Variants in MYO9A observed in about 807,000 individuals in gnomAD.
MYO9A encodes unconventional myosin-IXa.
In MYO9A, 103 loss-of-function variants were observed where a neutral mutation model predicts 293.3. The ratio of observed to expected loss-of-function variants is 0.35; its 90% CI spans 0.30 to 0.41. The LOEUF is 0.41. MYO9A is among the 10% of genes least tolerant of loss of function. The pLI is 1.00. For synonymous variants in MYO9A, 1,001 were observed against 1,035.7 expected, an observed-to-expected ratio of 0.97 and a Z score of 0.64; for missense variants, 2,685 against 3,033.0, an observed-to-expected ratio of 0.89 and a Z score of 2.69.
intron 24 of MYO9A, 125 bp from the exon 25 acceptor site, chr15:71,899,157 T>C (rs1206907804): frequency 2.4e-6 from 2 of 849,946 alleles, no homozygotes; most frequent in African/African-American, 3.4e-5. Context: ...TAAGTTCTTC[T>C]TAAACTAACT....
intron 11 of MYO9A, among the ~76,000 whole-genome samples, chr15:71,983,470 C>CTTTTTTTTTTTTTTTTTTTTTTTTTA: frequency 1.4e-5 from 1 of 72,898 alleles, no homozygotes; most frequent in African/African-American, 5.6e-5. Context: ...TTTTTTATTT[C>CTTTTTTTTTTTTTTTTTTTTTTTTTA]TTTTTTTTTT....
At chr15:71,914,729 C>T (rs541228628) in intron 19 of MYO9A, among the ~76,000 whole-genome samples, 6 of 151,626 alleles carry the variant, frequency 4.0e-5, no homozygotes, top group South Asian at 2.1e-4. Context: ...ACTTAATGGC[C>T]GATTAGAAAT....
At chr15:72,069,642 T>C (rs1382910243) in intron 1 of MYO9A, among the ~76,000 whole-genome samples, 2 of 152,172 alleles carry the variant, frequency 1.3e-5, no homozygotes, top group Admixed American at 6.6e-5. Flanking sequence ...AAGATAGTGA[T>C]AGAAGGTAGA....
In MYO9A at chr15:72,043,132, A is replaced by G. The variant is rs190544712; in HGVS notation, c.840+2592T>C. ...TTTAAGTCTAGCCAGGTTGCAGAAGATAAGGTCAACGTGTAACTATCAACT... is the reference window on the plus strand; with the variant it reads ...TTTAAGTCTAGCCAGGTTGCAGAAGGTAAGGTCAACGTGTAACTATCAACT... On this transcript the variant is annotated intron_variant, in intron 2 of 41. Coordinates refer to ENST00000356056, the MANE Select transcript of MYO9A (RefSeq NM_006901.4). 2.3e-3 allele frequency among the ~76,000 whole-genome samples: 344 copies of G among 152,270 alleles called. 1 individual carries two copies. Among genetic ancestry groups the G allele is most frequent in the Non-Finnish European group, 3.3e-3 (225 of 68,000 alleles).
intron 15 of MYO9A, among the ~76,000 whole-genome samples, chr15:71,945,192 CA>C (rs908963539): frequency 9.2e-5 from 14 of 152,204 alleles, no homozygotes; most frequent in African/African-American, 3.4e-4. Flanking sequence ...AGGTTGTATT[CA>C]AGCTATCAGC....
intron 13 of MYO9A, among the ~76,000 whole-genome samples, chr15:71,964,393 T>G (rs2075818741): frequency 6.6e-6 from 1 of 152,098 alleles, no homozygotes; most frequent in African/African-American, 2.4e-5. Context: ...ACACCTGTAA[T>G]CCCAGCACTC....
intron 1 of MYO9A, among the ~76,000 whole-genome samples, chr15:72,063,887 G>C (rs1006403692): frequency 6.6e-6 from 1 of 152,120 alleles, no homozygotes; most frequent in Non-Finnish European, 1.5e-5. Context: ...CAATCACCAA[G>C]ATTTGGAATC....
At chr15:71,956,352 A>ATATATATATAT (rs1346560683) in intron 14 of MYO9A, among the ~76,000 whole-genome samples, 6 of 64,910 alleles carry the variant, frequency 9.2e-5, no homozygotes, top group African/African-American at 2.0e-4. Context: ...TATATATATA[A>ATATATATATAT]AATACGCCCA....
chr15:71,853,091 C>CTGAATGAATGAATGAA (rs71131711), intron 35 of MYO9A, among the ~76,000 whole-genome samples: 2,850 of 151,466 alleles, frequency 0.019, 57 homozygotes, highest in Admixed American at 0.052. Flanking sequence ...AAGACTGTCT[C>CTGAATGAATGAATGAA]TGAATGAATG....
At chr15:72,068,352 T>G (rs534453205) in intron 1 of MYO9A, among the ~76,000 whole-genome samples, 2 of 152,352 alleles carry the variant, frequency 1.3e-5, no homozygotes, top group Non-Finnish European at 2.9e-5. Context: ...GTGCTTTATA[T>G]GTATTACTTC....
chr15:71,890,116 C>G (rs1042631157), intron 26 of MYO9A: 9 of 152,182 alleles, frequency 5.9e-5, no homozygotes, highest in African/African-American at 2.2e-4. Context: ...TGGGTTTTCT[C>G]TTACTGTAAT....
intron 17 of MYO9A, 160 bp downstream of exon 17, chr15:71,935,181 T>C (rs994270190): frequency 2.7e-6 from 2 of 747,898 alleles, no homozygotes; most frequent in Non-Finnish European, 4.1e-6. Context: ...TTCATGGCTG[T>C]AAACGCTACC....
At chr15:71,941,999 G>A (rs2058788812) in intron 15 of MYO9A, among the ~76,000 whole-genome samples, 1 of 151,896 alleles carries the variant, frequency 6.6e-6, no homozygotes, top group African/African-American at 2.4e-5. Context: ...TAGCACTGTT[G>A]TTCACAATAG....
chr15:71,888,238 CAG>C (rs2057077759), intron 26 of MYO9A, 122 bp from the exon 27 acceptor site: 2 of 513,664 alleles, frequency 3.9e-6, no homozygotes, highest in Admixed American at 3.7e-5. Flanking sequence ...TGATATTATT[CAG>C]AGATTCATTG....
At chr15:71,848,612 C>T (rs1042681290) in intron 39 of MYO9A, among the ~76,000 whole-genome samples, 1 of 152,118 alleles carries the variant, frequency 6.6e-6, no homozygotes, top group African/African-American at 2.4e-5. Flanking sequence ...AACATTTTAT[C>T]TAAATACTTG....
intron 1 of MYO9A, among the ~76,000 whole-genome samples, chr15:72,077,752 A>AAAAT (rs2079412621): frequency 1.4e-5 from 1 of 72,492 alleles, no homozygotes; most frequent in African/African-American, 7.8e-5. Context: ...AAAAAAAAAA[A>AAAAT]ATATATATAT....
intron 15 of MYO9A, among the ~76,000 whole-genome samples, chr15:71,947,891 T>C (rs1259928273): frequency 1.3e-5 from 2 of 152,210 alleles, no homozygotes; most frequent in Middle Eastern, 3.2e-3. Context: ...TGCCATCTGA[T>C]TCCTTCTTTC....
intron 1 of MYO9A, among the ~76,000 whole-genome samples, chr15:72,077,623 C>CGGCAGGGTGGT (rs1023717898): frequency 1.9e-4 from 29 of 150,268 alleles, no homozygotes; most frequent in African/African-American, 6.6e-4. Context: ...ACCGGGGTGA[C>CGGCAGGGTGGT]GGCAGGGTGG....
chr15:71,845,568 C>T (rs761732813), intron 39 of MYO9A, among the ~76,000 whole-genome samples: 1 of 152,184 alleles, frequency 6.6e-6, no homozygotes, highest in Non-Finnish European at 1.5e-5. Flanking sequence ...GACATCTGTA[C>T]TAATTACATA....
Sources: allele counts gnomAD v4.1 joint callset (sites outside exome capture counted in the v4.1 genomes callset), GRCh38; gene constraint gnomAD v4.1.1; transcripts MANE v1.5; gene names NCBI Gene and HGNC (gene_info 2026-07-23, HGNC 2026-07-21).